ESAM: variants seen among roughly 807,000 people sequenced by gnomAD.
ESAM encodes endothelial cell-selective adhesion molecule.
A neutral mutation model predicts 31.8 loss-of-function variants in ESAM; 23 were observed. The ratio of observed to expected loss-of-function variants is 0.72; its 90% CI spans 0.52 to 1.03. The LOEUF (loss-of-function observed/expected upper bound fraction) is 1.03, where lower values mean the gene tolerates loss of function less well. ESAM is among the 50% of genes least tolerant of loss of function. ESAM has a pLI of 0.00. For missense variants in ESAM, 478 were observed against 488.9 expected (o/e 0.98, Z 0.21); for synonymous variants, 216 against 207.2 (o/e 1.04, Z -0.37).
intron 2 of ESAM, 49 bp downstream of exon 2, chr11:124,758,300 C>A (rs750035505): frequency 5.0e-6 from 8 of 1,610,174 alleles, no homozygotes; most frequent in East Asian, 2.2e-5. Flanking sequence ...TTGCTTACAA[C>A]CCCCTCTGGG....
In ESAM at chr11:124,753,310, G is replaced by A. The variant is rs987068843; in HGVS notation, c.*336C>T. The stretch of plus-strand genomic sequence containing the variant: ...GGGAGCCAAGGGTGGTGTTAGATAG[G>A]GGTGGGGTACAGATCAAGGGGGCCT... On this transcript the variant is annotated 3_prime_UTR_variant, in exon 7 of 7. Transcript: ENST00000278927. The A allele has an allele frequency of 3.4e-6, 1 of 293,530 alleles. No homozygotes were observed. The highest frequency in any genetic ancestry group is 6.4e-6 in the Non-Finnish European group (1 of 157,042). The allele number at this position is 293,530 out of a possible 1,614,324, so 18.2% of individuals were successfully genotyped here.
At chr11:124,755,639 T>C (rs1030912703) in intron 4 of ESAM, among the ~76,000 whole-genome samples, 2 of 151,702 alleles carry the variant, frequency 1.3e-5, no homozygotes, top group Non-Finnish European at 2.9e-5. Flanking sequence ...ATCCAACAGT[T>C]GCTAACTTTT....
In ESAM at chr11:124,762,107, C is replaced by A. The variant is rs770238268; in HGVS notation, c.48G>T (p.Leu16Phe). The change falls in exon 1 of 7, where the codon TTG (leucine) becomes TTT (phenylalanine). Residue 16 changes from leucine (L) to phenylalanine (F), a missense_variant. By Grantham distance (22) the Leu-to-Phe change is conservative. Coordinates refer to ENST00000278927, the MANE Select transcript of ESAM (RefSeq NM_138961.3). The surrounding 1 kb of genome is among the most constrained non-coding windows in gnomAD (Gnocchi z 6.4). The part of the protein sequence containing the change: ...GPLVTNLLRF[L>F]FLGLSALAPP... ...CACCGAGGGCACTCAGCCCCAGGAA[C>A]AAAAACCGCAGCAAGTTGGTCACCA... The A allele has an allele frequency of 7.5e-6, 12 of 1,609,738 alleles. No homozygotes were observed. Among genetic ancestry groups the A allele is most frequent in the Non-Finnish European group, 1.0e-5 (12 of 1,177,906 alleles).
chr11:124,758,613 C>A, intron 1 of ESAM, 86 bp from the exon 2 acceptor site: 2 of 1,402,636 alleles, frequency 1.4e-6, no homozygotes, highest in Non-Finnish European at 9.3e-7. Flanking sequence ...CACCAGAGAG[C>A]GAGGAAAGTC....
chr11:124,756,541 C>A lies in ESAM; in HGVS notation c.451G>T (p.Val151Phe). ...SIKTLELNVLVPPAPPSCRLQ... is the reference protein window; with the variant it reads ...SIKTLELNVLFPPAPPSCRLQ... ...GTCCGGAAATCTGCTTCTCACTCAC[C>A]CAGTACATTGAGTTCTAAGGTTTTG... Residue 151 changes from valine (V) to phenylalanine (F), a missense_variant and splice_region_variant, in exon 3 of 7, where the codon GTT (valine) becomes TTT (phenylalanine). Transcript: ENST00000278927. 3.7e-6 allele frequency: 6 copies of A among 1,614,018 alleles called. No homozygotes were observed. The highest frequency in any genetic ancestry group is 5.1e-6 in the Non-Finnish European group (6 of 1,180,006).
chr11:124,753,986 G>C lies in ESAM; in HGVS notation c.858-25C>G, dbSNP rs12791497. ...CCTAGTCATCAAAGAAATAACAAGA[G>C]GTCAGAAGTGGGTGGGGGAAGGAGG... On this transcript the variant is annotated intron_variant, in intron 6 of 6. Coordinates refer to ENST00000278927, the MANE Select transcript of ESAM (RefSeq NM_138961.3). 20 of 1,609,566 alleles carry C rather than the reference G, an allele frequency of 1.2e-5. No homozygotes were observed. In the African/African-American group the frequency reaches 2.4e-4, roughly 19 times the overall value.
chr11:124,758,582 G>A, intron 1 of ESAM, 55 bp from the exon 2 acceptor site: 1 of 1,450,780 alleles, frequency 6.9e-7, no homozygotes, highest in Non-Finnish European at 9.1e-7. Flanking sequence ...CTCCGCCCGC[G>A]GACCCTGCCC....
rs991112007 is a variant in ESAM, at chr11:124,758,491, G to A, written c.107C>T (p.Pro36Leu). 2.5e-6 allele frequency: 4 copies of A among 1,604,600 alleles called. No individual in the cohort carries two copies. Among genetic ancestry groups the A allele is most frequent in the Non-Finnish European group, 3.4e-6 (4 of 1,175,386 alleles). Residue 36 changes from proline (P) to leucine (L), a missense_variant, in exon 2 of 7, where the codon CCC (proline) becomes CTC (leucine). Transcript: ENST00000278927. The part of the protein sequence containing the change: ...PSRAQLQLHL[P>L]ANRLQAVEGG... ...CTCCACCGCCTGCAACCGGTTGGCGGGCAAGTGCAGTTGCAGCTGGGCCCG... is the reference window on the plus strand; with the variant it reads ...CTCCACCGCCTGCAACCGGTTGGCGAGCAAGTGCAGTTGCAGCTGGGCCCG...
Position 124,762,136 on chromosome 11 carries a change from G to T in ESAM, c.19C>A (p.Pro7Thr), listed in dbSNP as rs374361581. The T allele has an allele frequency of 6.2e-7, 1 of 1,609,350 alleles. No homozygotes were observed. The highest frequency in any genetic ancestry group is 8.5e-7 in the Non-Finnish European group (1 of 1,177,890). MISLPG[P>T]LVTNLLRFLF... The stretch of plus-strand genomic sequence containing the variant: ...AACCGCAGCAAGTTGGTCACCAGGG[G>T]CCCCGGGAGGGAAATCATGGCCCTC... The change falls in exon 1 of 7, where the codon CCC becomes ACC. Residue 7 changes from proline (P) to threonine (T), a missense_variant. Coordinates refer to ENST00000278927, the MANE Select transcript of ESAM (RefSeq NM_138961.3). The surrounding 1 kb of genome is among the most constrained non-coding windows in gnomAD (Gnocchi z 6.4).
chr11:124,762,100 C>A lies in ESAM; in HGVS notation c.55G>T (p.Gly19Trp). 3 of 1,610,322 alleles carry A rather than the reference C, an allele frequency of 1.9e-6. No individual in the cohort carries two copies. Among genetic ancestry groups the A allele is most frequent in the Non-Finnish European group, 2.5e-6 (3 of 1,178,204 alleles). The part of the protein sequence containing the change: ...VTNLLRFLFL[G>W]LSALAPPSRA... ...TTTCACTCACCGAGGGCACTCAGCC[C>A]CAGGAACAAAAACCGCAGCAAGTTG... is the stretch of plus-strand genomic sequence containing the variant. Residue 19 changes from glycine (G) to tryptophan (W), a missense_variant, in exon 1 of 7, where the codon GGG (glycine) becomes TGG (tryptophan). Transcript: ENST00000278927. This position sits in a 1 kb window ranked among gnomAD's most constrained non-coding sequence, Gnocchi z 6.4.
intron 2 of ESAM, among the ~76,000 whole-genome samples, chr11:124,757,758 C>T (rs370029761): frequency 2.0e-4 from 29 of 142,018 alleles, no homozygotes; most frequent in East Asian, 1.7e-3. Context: ...AGTGCAGTGG[C>T]TGGATTTTGG....
In ESAM at chr11:124,756,173, C is replaced by A. The variant is rs1338914800; in HGVS notation, c.607+34G>T. The A allele has an allele frequency of 6.2e-6, 10 of 1,612,184 alleles. No homozygotes were observed. The Middle Eastern group carries it at 6.2e-4, about 100-fold the overall frequency. ...ACCTCTCATCTTTCCCCTTCCCCAG[C>A]CACAGTGTCCACTGTTTCCAGTAGT... On this transcript the variant is annotated intron_variant, in intron 4 of 6. Coordinates refer to ENST00000278927, the MANE Select transcript of ESAM (RefSeq NM_138961.3).
At chr11:124,757,297 G>A (rs1944167075) in intron 2 of ESAM, 1 of 157,816 alleles carries the variant, frequency 6.3e-6, no homozygotes, top group Non-Finnish European at 1.4e-5. Context: ...CTGGCATGGT[G>A]GCGTGTGCTT....
Position 124,754,605 on chromosome 11 carries a change from G to T in ESAM, c.730+36C>A. 6.3e-7 allele frequency: 1 copy of T among 1,592,158 alleles called. No homozygotes were observed. Among genetic ancestry groups the T allele is most frequent in the South Asian group, 1.1e-5 (1 of 87,812 alleles). On this transcript the variant is annotated intron_variant, in intron 5 of 6. Coordinates refer to ENST00000278927, the MANE Select transcript of ESAM (RefSeq NM_138961.3). This position sits in a 1 kb window ranked among gnomAD's most constrained non-coding sequence, Gnocchi z 4.5. ...CACTTGCAACCCCTCCCCCACCATT[G>T]ACCACTCTTCTTAACCACACTTACC... is the stretch of plus-strand genomic sequence containing the variant.
At position 124,758,410 on chromosome 11, in the gene ESAM, G is replaced by A. The variant is rs1326069388; in HGVS notation, c.188C>T (p.Ser63Phe). ...WYTLHGEVSS[S>F]QPWEVPFVMW... is the part of the protein sequence containing the mutation. ...CACAAAGGGCACCTCCCATGGCTGG[G>A]ATGAAGACACCTCCCCGTGCAAGGT... Residue 63 changes from serine to phenylalanine, a missense_variant, in exon 2 of 7, where the codon TCC becomes TTC. Transcript: ENST00000278927. The A allele has an allele frequency of 2.5e-6, 4 of 1,614,146 alleles. No homozygotes were observed. The highest frequency in any genetic ancestry group is 3.4e-6 in the Non-Finnish European group (4 of 1,180,030).
At chr11:124,757,919 G>A (rs978256722) in intron 2 of ESAM, among the ~76,000 whole-genome samples, 1 of 151,914 alleles carries the variant, frequency 6.6e-6, no homozygotes, top group East Asian at 1.9e-4. Context: ...GGCTGCTCTC[G>A]AACTCTTGGC....
In ESAM at chr11:124,758,338, T is replaced by C; in HGVS notation, c.249+11A>G. ...CAACTTGCCGCTGGCTGACAGGCGT[T>C]CTTCCCTCACCTGATCCTCCTTTTC... On this transcript the variant is annotated intron_variant, in intron 2 of 6. Transcript: ENST00000278927. 1 of 1,614,056 alleles carries C rather than the reference T, an allele frequency of 6.2e-7. No individual in the cohort carries two copies. Among genetic ancestry groups the C allele is most frequent in the Non-Finnish European group, 8.5e-7 (1 of 1,179,970 alleles).
At position 124,753,806 on chromosome 11, in the gene ESAM, G is replaced by A; in HGVS notation, c.1013C>T (p.Ser338Phe). Residue 338 changes from serine (S) to phenylalanine (F), a missense_variant, in exon 7 of 7, where the codon TCC becomes TTC. Ser to Phe is a radical substitution (Grantham distance 155, BLOSUM62 -2). Transcript: ENST00000278927. ...TCTTGGTGAGGGCAGGGCCTGGCTG[G>A]AGAGACTGGGCGTGGGGGTCAATGC... ...PGALTPTPSLSSQALPSPRLP... is the reference protein window; with the variant it reads ...PGALTPTPSLFSQALPSPRLP... 1 of 1,613,676 alleles carries A rather than the reference G, an allele frequency of 6.2e-7. No individual in the cohort carries two copies. The highest frequency in any genetic ancestry group is 8.5e-7 in the Non-Finnish European group (1 of 1,179,774).
chr11:124,753,669 T>C lies in ESAM; in HGVS notation c.1150A>G (p.Ser384Gly), dbSNP rs746301845. 4.3e-6 allele frequency: 7 copies of C among 1,613,760 alleles called. No homozygotes were observed. The highest frequency in any genetic ancestry group is 5.9e-6 in the Non-Finnish European group (7 of 1,180,022). ...GAVPVMVPAQ[S>G]QAGSLV Reference sequence around the variant, plus strand: ...CATCATACCAGAGAGCCAGCTTGACTCTGGGCAGGCACCATCACAGGCACA... The same window carrying C: ...CATCATACCAGAGAGCCAGCTTGACCCTGGGCAGGCACCATCACAGGCACA... The change falls in exon 7 of 7, where the codon AGT (serine) becomes GGT (glycine). Residue 384 changes from serine to glycine, a missense_variant. Physicochemically the swap from Ser to Gly is moderately conservative, Grantham distance 56 (BLOSUM62 0). Coordinates refer to ENST00000278927, the MANE Select transcript of ESAM (RefSeq NM_138961.3).
Sources: allele counts gnomAD v4.1 joint callset (sites outside exome capture counted in the v4.1 genomes callset), GRCh38; gene constraint gnomAD v4.1.1; non-coding constraint Gnocchi (gnomAD v3.1); transcripts MANE v1.5; gene names NCBI Gene and HGNC (gene_info 2026-07-23, HGNC 2026-07-21).